Variants in LIMS2 observed in about 807,000 individuals in gnomAD.
LIMS2 encodes the protein LIM and senescent cell antigen-like-containing domain protein 2.
LIMS2 carries 30 observed loss-of-function variants against 45.3 expected under a neutral mutation model. That is an observed-to-expected ratio of 0.66 (90% confidence interval 0.50 to 0.90). The LOEUF (loss-of-function observed/expected upper bound fraction) is 0.90. Among genes scored for constraint, LIMS2 ranks in the 40% least tolerant of loss-of-function variants. The pLI is 0.00. For missense variants in LIMS2, 485 were observed against 468.7 expected (o/e 1.03, Z -0.32); for synonymous variants, 173 against 188.0 (o/e 0.92, Z 0.65).
intron 1 of LIMS2, among the ~76,000 whole-genome samples, chr2:127,673,343 A>G (rs942305651): frequency 3.3e-5 from 5 of 152,168 alleles, no homozygotes; most frequent in Non-Finnish European, 7.3e-5. Context: ...TAAGACGAGT[A>G]GTATTGCCTG....
At chr2:127,656,744 T>C (rs1684282955) in intron 2 of LIMS2, among the ~76,000 whole-genome samples, 1 of 152,186 alleles carries the variant, frequency 6.6e-6, no homozygotes, top group East Asian at 1.9e-4. Context: ...CAGCAGATAG[T>C]GTGACTCCTC....
In LIMS2 at chr2:127,653,149, G is replaced by A. The variant is rs1683971941; in HGVS notation, c.359+1275C>T. Among the ~76,000 whole-genome samples the A allele has an allele frequency of 6.6e-6, 1 of 152,204 alleles. No individual in the cohort carries two copies. Among genetic ancestry groups the A allele is most frequent in the Non-Finnish European group, 1.5e-5 (1 of 68,036 alleles). ...CCGAGGACAGTGGGCCGGACGCCAG[G>A]CCCCAGGCCACGTGCCTCTCTCACG... On this transcript the variant is annotated intron_variant, in intron 4 of 9. Transcript: ENST00000355119. The surrounding 1 kb of genome is among the most constrained non-coding windows in gnomAD (Gnocchi z 5.3).
Position 127,642,844 on chromosome 2 carries a change from G to C in LIMS2, c.509+79C>G. 1 of 1,463,254 alleles carries C rather than the reference G, an allele frequency of 6.8e-7. No individual in the cohort carries two copies. 90.6% of individuals were successfully genotyped at this position (1,463,254 alleles called of 1,614,324 possible). The stretch of plus-strand genomic sequence containing the variant: ...CTCTCCCTCCTCAACACTTCCCCAG[G>C]TGGAGGCCCCACCGCCCTTACCCTG... On this transcript the variant is annotated intron_variant, in intron 5 of 9. Transcript: ENST00000355119. The surrounding 1 kb of genome is among the most constrained non-coding windows in gnomAD (Gnocchi z 5.3).
At position 127,672,789 on chromosome 2, in the gene LIMS2, C is replaced by A. The variant is rs1685327088; in HGVS notation, c.11+2225G>T. On this transcript the variant is annotated intron_variant, in intron 1 of 9. Transcript: ENST00000355119. The surrounding 1 kb of genome is among the most constrained non-coding windows in gnomAD (Gnocchi z 4.9). ...CACTTTGGTGGCTCCCCACAGCCCT[C>A]CCTCTGCTCTTGCCTGGTGAGGTCC... Among the ~76,000 whole-genome samples, 1 of 152,228 alleles carries A rather than the reference C, an allele frequency of 6.6e-6. No individual in the cohort carries two copies. The highest frequency in any genetic ancestry group is 2.1e-4 in the South Asian group (1 of 4,836).
Position 127,675,108 on chromosome 2 carries a change from C to CGCCA in LIMS2, c.-88_-85dup. On this transcript the variant is annotated 5_prime_UTR_variant, in exon 1 of 10. Transcript: ENST00000355119. ...TGCAGCCGCCAGCCGAGCGCCCGCC[C>CGCCA]GCCAGCCCGGGCCGCGGAGCAGGGA... 8.3e-7 allele frequency: 1 copy of CGCCA among 1,199,892 alleles called. No individual in the cohort carries two copies. The highest frequency in any genetic ancestry group is 1.0e-6 in the Non-Finnish European group (1 of 959,522). 74.3% of individuals were successfully genotyped at this position (1,199,892 alleles called of 1,614,324 possible).
rs1685261706 is a variant in LIMS2 at position 127,671,343 on chromosome 2, G to T, written c.11+3671C>A. 6.6e-6 allele frequency among the ~76,000 whole-genome samples: 1 copy of T among 151,808 alleles called. No individual in the cohort carries two copies. Among genetic ancestry groups the T allele is most frequent in the Non-Finnish European group, 1.5e-5 (1 of 68,008 alleles). ...AGCTACTTGGGAGGCTGAGGCAAGA[G>T]AATTGCTTGAACCTGGGAGGCAGAG... On this transcript the variant is annotated intron_variant, in intron 1 of 9. Coordinates refer to ENST00000355119, the MANE Select transcript of LIMS2 (RefSeq NM_001161403.3). The surrounding 1 kb of genome is among the most constrained non-coding windows in gnomAD (Gnocchi z 4.1).
rs1162500625 is a variant in LIMS2 at position 127,657,424 on chromosome 2, G to T, written c.150C>A (p.Phe50Leu). Residue 50 changes from phenylalanine (F) to leucine (L), a missense_variant, in exon 2 of 10, where the codon TTC (phenylalanine) becomes TTA (leucine). Coordinates refer to ENST00000355119, the MANE Select transcript of LIMS2 (RefSeq NM_001161403.3). ...TCACCTCATAGAAGAGCCCCTCGGG[G>T]AAGGGCCGGAAGCACTGGGCACACA... ...CFVCAQCFRP[F>L]PEGLFYEFEG... 1 of 1,613,784 alleles carries T rather than the reference G, an allele frequency of 6.2e-7. No individual in the cohort carries two copies. Among genetic ancestry groups the T allele is most frequent in the Non-Finnish European group, 8.5e-7 (1 of 1,180,012 alleles).
intron 1 of LIMS2, among the ~76,000 whole-genome samples, chr2:127,669,981 C>T (rs950550279): frequency 1.3e-5 from 2 of 152,194 alleles, no homozygotes; most frequent in African/African-American, 2.4e-5. Context: ...CAATAACAAG[C>T]ATCAGCAAGG....
intron 9 of LIMS2, 52 bp from the exon 10 acceptor site, chr2:127,639,480 C>T (rs371359007): frequency 1.3e-6 from 2 of 1,599,074 alleles, no homozygotes; most frequent in Non-Finnish European, 1.7e-6. Flanking sequence ...CCCTTTAACC[C>T]CAGACAGGTG....
chr2:127,676,500 C>T (rs1172543774), upstream of LIMS2, among the ~76,000 whole-genome samples: 1 of 151,304 alleles, frequency 6.6e-6, no homozygotes, highest in Admixed American at 6.6e-5. Flanking sequence ...CAACCTCCGC[C>T]TCCCAGGTTC....
chr2:127,646,435 C>T (rs1682990426), intron 4 of LIMS2: 1 of 152,394 alleles, frequency 6.6e-6, no homozygotes, highest in Non-Finnish European at 1.5e-5. Context: ...TGTTTCGTCC[C>T]TCTGATGGGG....
At chr2:127,650,011 G>A in intron 4 of LIMS2, 2 of 1,607,764 alleles carry the variant, frequency 1.2e-6, no homozygotes, top group South Asian at 1.1e-5. Flanking sequence ...CACCTGTCAG[G>A]ATGTCCAAAC....
At chr2:127,656,959 G>A (rs1370324941) in intron 2 of LIMS2, among the ~76,000 whole-genome samples, 2 of 152,170 alleles carry the variant, frequency 1.3e-5, no homozygotes, top group East Asian at 3.9e-4. Flanking sequence ...TGCATATGCG[G>A]TGCCCTCTGC....
At chr2:127,651,052 T>C (rs755452824) in intron 4 of LIMS2, 2 of 1,613,752 alleles carry the variant, frequency 1.2e-6, no homozygotes, top group East Asian at 4.5e-5. Context: ...GCATGCCGTC[T>C]CACCGGCTTC....
intron 4 of LIMS2, 152 bp from the exon 5 acceptor site, chr2:127,643,224 G>T: frequency 1.3e-6 from 1 of 750,018 alleles, no homozygotes; most frequent in Non-Finnish European, 2.1e-6. Context: ...AGACTGCCCT[G>T]TCACAAGGCC....
intron 6 of LIMS2, chr2:127,641,603 T>C (rs72843384): frequency 0.054 from 8,626 of 160,556 alleles, 400 homozygotes; most frequent in South Asian, 0.19. Context: ...CTGTTCCCAG[T>C]GTACCCATGA....
chr2:127,642,722 G>A lies in LIMS2; in HGVS notation c.509+201C>T. 1 of 617,062 alleles carries A rather than the reference G, an allele frequency of 1.6e-6. No individual in the cohort carries two copies. The allele number at this position is 617,062 out of a possible 1,614,324, so 38.2% of individuals were successfully genotyped here. A position where few individuals can be genotyped will look rare whatever the true frequency, so the allele number is the denominator to read the frequency against. ...AGTGCCCCCCAAACAGAGCCCTGGA[G>A]AGAGAAGCTTCCTGCCATGGCTGCT... On this transcript the variant is annotated intron_variant, in intron 5 of 9. Transcript: ENST00000355119. This position sits in a 1 kb window ranked among gnomAD's most constrained non-coding sequence, Gnocchi z 5.3.
At chr2:127,677,923 C>G (rs999147396), upstream of LIMS2, among the ~76,000 whole-genome samples, 1 of 152,158 alleles carries the variant, frequency 6.6e-6, no homozygotes, top group Admixed American at 6.5e-5. This position sits in a 1 kb window ranked among gnomAD's most constrained non-coding sequence, Gnocchi z 5.0. Flanking sequence ...GAGGGAGTTT[C>G]TGGGGTAACA....
chr2:127,674,873 C>A (rs1478399554), intron 1 of LIMS2, 141 bp downstream of exon 1: 4 of 1,212,214 alleles, frequency 3.3e-6, no homozygotes, highest in Non-Finnish European at 4.1e-6. Flanking sequence ...GCGCTGCCGC[C>A]CCGGCAGCTG....
Sources: allele counts gnomAD v4.1 joint callset (sites outside exome capture counted in the v4.1 genomes callset), GRCh38; gene constraint gnomAD v4.1.1; non-coding constraint Gnocchi (gnomAD v3.1); transcripts MANE v1.5; gene names NCBI Gene and HGNC (gene_info 2026-07-23, HGNC 2026-07-21).